Variants in TBC1D5 observed in about 807,000 individuals in gnomAD.
The protein encoded by TBC1D5 is TBC1 domain family member 5.
Under a neutral mutation model 100.3 loss-of-function variants are expected in TBC1D5, and 75 were observed. The observed-to-expected ratio is 0.75, with a 90% CI of 0.62 to 0.91. TBC1D5 has a LOEUF of 0.91. TBC1D5 is among the 40% of genes least tolerant of loss of function. The pLI is 0.00. For missense variants in TBC1D5, 910 were observed against 942.4 expected, an observed-to-expected ratio of 0.97 and a Z score of 0.45; for synonymous variants, 323 against 325.6, an observed-to-expected ratio of 0.99 and a Z score of 0.09.
chr3:17,348,790 C>A (rs1228762073), intron 13 of TBC1D5, among the ~76,000 whole-genome samples: 1 of 152,106 alleles, frequency 6.6e-6, no homozygotes, highest in Non-Finnish European at 1.5e-5. Context: ...CCAGAAGAAA[C>A]CTGTTCTCTT....
At chr3:17,444,410 C>T (rs987062746) in intron 3 of TBC1D5, among the ~76,000 whole-genome samples, 2 of 151,998 alleles carry the variant, frequency 1.3e-5, no homozygotes, top group African/African-American at 4.8e-5. Flanking sequence ...ATGAGCATTT[C>T]TCCCATGTTA....
At chr3:17,634,626 T>TAAAAAAAAAAAAA (rs1000749608) in intron 1 of TBC1D5, among the ~76,000 whole-genome samples, 2 of 85,520 alleles carry the variant, frequency 2.3e-5, no homozygotes, top group Non-Finnish European at 4.8e-5. Context: ...GCTAATAGGG[T>TAAAAAAAAAAAAA]AAAAAAAAAA....
intron 3 of TBC1D5, among the ~76,000 whole-genome samples, chr3:17,460,679 G>T (rs990027315): frequency 6.6e-6 from 1 of 151,060 alleles, no homozygotes; most frequent in African/African-American, 2.4e-5. Context: ...AGCTCTTAGC[G>T]CATAGGCCCA....
chr3:17,515,431 T>A (rs964405027), intron 2 of TBC1D5, among the ~76,000 whole-genome samples: 1 of 152,202 alleles, frequency 6.6e-6, no homozygotes, highest in South Asian at 2.1e-4. Flanking sequence ...ATAGCACTTA[T>A]TGGGAAGCAA....
intron 4 of TBC1D5, among the ~76,000 whole-genome samples, chr3:17,420,099 T>C (rs892641477): frequency 1.3e-5 from 2 of 152,138 alleles, no homozygotes; most frequent in Non-Finnish European, 2.9e-5. Context: ...GGGCAGGGTC[T>C]GTGTTTAACT....
chr3:17,736,559 C>G (rs2076979711), intron 1 of TBC1D5, among the ~76,000 whole-genome samples: 1 of 152,108 alleles, frequency 6.6e-6, no homozygotes, highest in Non-Finnish European at 1.5e-5. Flanking sequence ...CTATCAACTC[C>G]ACGTCTCCAA....
chr3:17,617,978 C>T lies in TBC1D5; in HGVS notation c.-36+5871G>A, dbSNP rs372983444. 9.9e-5 allele frequency among the ~76,000 whole-genome samples: 15 copies of T among 152,274 alleles called. No individual in the cohort carries two copies. In the South Asian group the frequency reaches 1.7e-3, roughly 17 times the overall value. ...CTGCGATGTTTTGGAGGAGAACAGG[C>T]GCTCCAGTTTTTAGAACTTTCAGCT... On this transcript the variant is annotated intron_variant, in intron 2 of 21. Transcript: ENST00000253692.
At chr3:17,697,840 A>T (rs2072387718) in intron 1 of TBC1D5, among the ~76,000 whole-genome samples, 1 of 152,136 alleles carries the variant, frequency 6.6e-6, no homozygotes, top group South Asian at 2.1e-4. Context: ...GCATCACACT[A>T]CCTGACTTCA....
chr3:17,638,283 C>T (rs1342515346), intron 1 of TBC1D5, among the ~76,000 whole-genome samples: 1 of 151,874 alleles, frequency 6.6e-6, no homozygotes, highest in Non-Finnish European at 1.5e-5. Flanking sequence ...TACTCAATTC[C>T]AAAAATTACC....
intron 13 of TBC1D5, among the ~76,000 whole-genome samples, chr3:17,322,200 CTT>C (rs2085498399): frequency 6.6e-6 from 1 of 152,326 alleles, no homozygotes; most frequent in African/African-American, 2.4e-5. Context: ...TTAAAATTCA[CTT>C]TGTCTGATAT....
intron 1 of TBC1D5, among the ~76,000 whole-genome samples, chr3:17,735,922 T>C (rs1013532831): frequency 3.9e-5 from 6 of 152,244 alleles, no homozygotes; most frequent in African/African-American, 1.2e-4. Context: ...AGGGCTCCCA[T>C]ACAAGGGAGG....
chr3:17,571,085 G>T (rs1052301965), intron 2 of TBC1D5, among the ~76,000 whole-genome samples: 5 of 151,672 alleles, frequency 3.3e-5, no homozygotes, highest in African/African-American at 1.2e-4. Flanking sequence ...ATTTTCTTAG[G>T]CTATAAGAGA....
chr3:17,376,429 A>T, intron 10 of TBC1D5, 96 bp downstream of exon 10: 1 of 1,009,810 alleles, frequency 9.9e-7, no homozygotes, highest in Non-Finnish European at 1.5e-6. Flanking sequence ...TACAGCTTGT[A>T]AGTACCTTCC....
intron 1 of TBC1D5, among the ~76,000 whole-genome samples, chr3:17,680,272 T>G (rs2069272979): frequency 6.6e-6 from 1 of 150,576 alleles, no homozygotes; most frequent in African/African-American, 2.5e-5. Context: ...TGCTATGTCA[T>G]CCAGGCTGGA....
rs754292815 is a variant in TBC1D5 at position 17,166,763 on chromosome 3, G to A, written c.2094+4C>T. The A allele has an allele frequency of 3.0e-5, 48 of 1,602,012 alleles. No individual in the cohort carries two copies. Among genetic ancestry groups the A allele is most frequent in the Non-Finnish European group, 4.1e-5 (48 of 1,176,510 alleles). The stretch of plus-strand genomic sequence containing the variant: ...ATGTAACATGTTCCTCAGAGTTTCT[G>A]TACCTGTTTAATGGCCCCTGACATT... On this transcript the variant is annotated splice_donor_region_variant and intron_variant, in intron 21 of 21. Coordinates refer to ENST00000253692, the Ensembl canonical transcript of TBC1D5.
intron 3 of TBC1D5, among the ~76,000 whole-genome samples, chr3:17,494,389 G>A (rs542162153): frequency 6.6e-6 from 1 of 152,318 alleles, no homozygotes; most frequent in East Asian, 1.9e-4. Flanking sequence ...CCAGTCAGGA[G>A]GCACGGAATC....
At chr3:17,633,480 AAT>A (rs1418930114) in intron 1 of TBC1D5, among the ~76,000 whole-genome samples, 9 of 152,254 alleles carry the variant, frequency 5.9e-5, no homozygotes, top group Admixed American at 5.9e-4. Context: ...TAGGTCAGAG[AAT>A]ATGTTTCCAT....
intron 3 of TBC1D5, among the ~76,000 whole-genome samples, chr3:17,481,993 G>A (rs1394802589): frequency 6.6e-6 from 1 of 152,130 alleles, no homozygotes; most frequent in African/African-American, 2.4e-5. Context: ...CACCAGCCTT[G>A]GCTTCCCAAA....
At chr3:17,740,708 T>C (rs1188705184) in exon 1 of TBC1D5, 1 of 152,108 alleles carries the variant, frequency 6.6e-6, no homozygotes, top group African/African-American at 2.4e-5. Flanking sequence ...AATGCACTAC[T>C]CAACTGAGGC....
Sources: allele counts gnomAD v4.1 joint callset (sites outside exome capture counted in the v4.1 genomes callset), GRCh38; gene constraint gnomAD v4.1.1; transcripts MANE v1.5; gene names NCBI Gene and HGNC (gene_info 2026-07-23, HGNC 2026-07-21).